Variants in TENT4A observed in about 807,000 individuals in gnomAD.
TENT4A encodes terminal nucleotidyltransferase 4A, also known as DNA polymerase kappa.
TENT4A carries 7 observed loss-of-function variants against 72.8 expected under a neutral mutation model. The observed-to-expected ratio is 0.10, with a 90% CI of 0.05 to 0.18. The LOEUF (loss-of-function observed/expected upper bound fraction) is 0.18, where lower values mean the gene tolerates loss of function less well. Among genes scored for constraint, TENT4A ranks in the 10% least tolerant of loss-of-function variants. TENT4A has a pLI of 1.00. For synonymous variants in TENT4A, 456 were observed against 434.3 expected, an observed-to-expected ratio of 1.05 and a Z score of -0.62; for missense variants, 831 against 1,017.7, an observed-to-expected ratio of 0.82 and a Z score of 2.50.
At chr5:6,739,619 T>G in intron 3 of TENT4A, 113 bp from the exon 4 acceptor site, 1 of 1,305,552 alleles carries the variant, frequency 7.7e-7, no homozygotes, top group Non-Finnish European at 1.1e-6. Flanking sequence ...TGGGATTGTG[T>G]CTTGGCCTTT....
At position 6,755,135 on chromosome 5, in the gene TENT4A, T is replaced by A. The variant is rs1216686895; in HGVS notation, c.*190T>A. The A allele has an allele frequency of 6.5e-6, 3 of 464,924 alleles. No individual in the cohort carries two copies. The highest frequency in any genetic ancestry group is 4.0e-5 in the Admixed American group (1 of 25,296). 28.8% of individuals were successfully genotyped at this position (464,924 alleles called of 1,614,324 possible). ...TCAAGAACAGCTCGTTGTGCTCATC[T>A]GTGAAGCCTTATTAAACGTGGACGT... On this transcript the variant is annotated 3_prime_UTR_variant, in exon 13 of 13. Coordinates refer to ENST00000230859, the MANE Select transcript of TENT4A (RefSeq NM_006999.6).
intron 1 of TENT4A, among the ~76,000 whole-genome samples, chr5:6,736,150 A>G (rs1178162697): frequency 6.6e-6 from 1 of 152,194 alleles, no homozygotes; most frequent in Non-Finnish European, 1.5e-5. Context: ...CGTGCACAGC[A>G]TTTATTTGCT....
chr5:6,746,315 C>A lies in TENT4A; in HGVS notation c.1347C>A (p.Thr449=). ...GGAGAAATTTTAATTACTTGAAAAC[C>A]GGTATTAGAATCAAAGAAGGAGGTG... ...LYGRNFNYLK[T]GIRIKEGGAY... is the part of the protein sequence containing the mutation. Residue 449 remains threonine (T), a synonymous_variant, in exon 7 of 13, where the codon ACC becomes ACA. Coordinates refer to ENST00000230859, the MANE Select transcript of TENT4A (RefSeq NM_006999.6). 6.2e-7 allele frequency: 1 copy of A among 1,614,072 alleles called. No homozygotes were observed. The highest frequency in any genetic ancestry group is 1.3e-5 in the African/African-American group (1 of 75,004).
chr5:6,746,392 C>T lies in TENT4A; in HGVS notation c.1424C>T (p.Pro475Leu). 1 of 1,614,136 alleles carries T rather than the reference C, an allele frequency of 6.2e-7. No individual in the cohort carries two copies. The highest frequency in any genetic ancestry group is 8.5e-7 in the Non-Finnish European group (1 of 1,180,026). ...IMKAMTSGYR[P>L]SMLCIEDPLL... is the part of the protein sequence containing the mutation. The stretch of plus-strand genomic sequence containing the variant: ...AAAGCCATGACCAGCGGGTACAGAC[C>T]GTCGATGCTGTGCATTGAGGACCCC... Residue 475 changes from proline (P) to leucine (L), a missense_variant, in exon 7 of 13, where the codon CCG (proline) becomes CTG (leucine). This residue lies in a region of TENT4A where 197 missense variants were observed against 399.6 expected (regional missense o/e 0.49). Coordinates refer to ENST00000230859, the MANE Select transcript of TENT4A (RefSeq NM_006999.6).
intron 2 of TENT4A, 46 bp from the exon 3 acceptor site, chr5:6,738,637 G>T: frequency 1.4e-6 from 2 of 1,411,718 alleles, no homozygotes; most frequent in Non-Finnish European, 1.0e-6. Context: ...TAGTGTGACT[G>T]CTTGGTTTGT....
intron 1 of TENT4A, among the ~76,000 whole-genome samples, chr5:6,715,342 C>T (rs1257065597): frequency 6.6e-6 from 1 of 152,176 alleles, no homozygotes; most frequent in Non-Finnish European, 1.5e-5. Context: ...ATTTCTACAT[C>T]CGCCTAGAGG....
chr5:6,735,392 G>T (rs981169049), intron 1 of TENT4A, among the ~76,000 whole-genome samples: 1 of 152,306 alleles, frequency 6.6e-6, no homozygotes, highest in Non-Finnish European at 1.5e-5. Flanking sequence ...CTAGCTCTCT[G>T]CAGTGACAGT....
intron 9 of TENT4A, among the ~76,000 whole-genome samples, chr5:6,750,015 G>A (rs943647418): frequency 2.6e-5 from 4 of 152,180 alleles, no homozygotes; most frequent in Non-Finnish European, 5.9e-5. Context: ...GAAATCCGGT[G>A]TGTATTTATT....
At position 6,755,756 on chromosome 5, in the gene TENT4A, C is replaced by T. The variant is rs562619441; in HGVS notation, c.*811C>T. ...GTGGCCCTGCTGTCGGGCCCCAGGC[C>T]GTTGTCCTGCTCTGACCACAGAGTT... On this transcript the variant is annotated 3_prime_UTR_variant, in exon 13 of 13. Coordinates refer to ENST00000230859, the MANE Select transcript of TENT4A (RefSeq NM_006999.6). The T allele has an allele frequency of 1.3e-5, 2 of 152,386 alleles. No homozygotes were observed. The highest frequency in any genetic ancestry group is 3.9e-4 in the East Asian group (2 of 5,188). 9.4% of individuals were successfully genotyped at this position (152,386 alleles called of 1,614,324 possible).
rs1322091367 is a variant in TENT4A, at chr5:6,755,373, T to C, written c.*428T>C. On this transcript the variant is annotated 3_prime_UTR_variant, in exon 13 of 13. Coordinates refer to ENST00000230859, the MANE Select transcript of TENT4A (RefSeq NM_006999.6). ...GGATAAGCTTGGGAGGTCATTGTTTTACTGCCCTCACATTTTGTTTGAAAT... is the reference window on the plus strand; with the variant it reads ...GGATAAGCTTGGGAGGTCATTGTTTCACTGCCCTCACATTTTGTTTGAAAT... The C allele has an allele frequency of 6.3e-6, 1 of 158,812 alleles. No individual in the cohort carries two copies. Among genetic ancestry groups the C allele is most frequent in the East Asian group, 1.8e-4 (1 of 5,442 alleles). 9.8% of individuals were successfully genotyped at this position (158,812 alleles called of 1,614,324 possible).
intron 1 of TENT4A, among the ~76,000 whole-genome samples, chr5:6,718,082 T>C (rs1740473347): frequency 6.6e-6 from 1 of 152,246 alleles, no homozygotes; most frequent in Non-Finnish European, 1.5e-5. Flanking sequence ...AGCAGGTGTA[T>C]GCAGCTTCCT....
rs1214821840 is a variant in TENT4A, at chr5:6,754,844, C to G, written c.2278C>G (p.Pro760Ala). 1.2e-6 allele frequency: 2 copies of G among 1,610,370 alleles called. No individual in the cohort carries two copies. Among genetic ancestry groups the G allele is most frequent in the South Asian group, 1.1e-5 (1 of 90,896 alleles). The change falls in exon 13 of 13, where the codon CCT becomes GCT. Residue 760 changes from proline (P) to alanine (A), a missense_variant. Transcript: ENST00000230859. The stretch of plus-strand genomic sequence containing the variant: ...TGTGGGTAGCGGAGGTGTGCGGCCC[C>G]CTGTGGGCAACAGGGGACACCACCA... ...SSVGSGGVRP[P>A]VGNRGHHQYN...
intron 9 of TENT4A, 101 bp downstream of exon 9, chr5:6,749,758 T>C: frequency 1.3e-6 from 1 of 766,404 alleles, no homozygotes; most frequent in Non-Finnish European, 2.3e-6. Context: ...ATTAAGAAAA[T>C]AGCTAGTTTT....
chr5:6,723,630 G>A (rs1010156239), intron 1 of TENT4A, among the ~76,000 whole-genome samples: 3 of 152,212 alleles, frequency 2.0e-5, no homozygotes, highest in African/African-American at 4.8e-5. Flanking sequence ...GCTAACATGC[G>A]GGGGATGGAA....
rs201123973 is a variant in TENT4A, at chr5:6,733,982, G to A, written c.717-3528G>A. ...AACAAATCAAATTATTCATTGCAGA[G>A]GTAAAATATTTTCAGAATGTTAATT... is the stretch of plus-strand genomic sequence containing the variant. On this transcript the variant is annotated intron_variant, in intron 1 of 12. Coordinates refer to ENST00000230859, the MANE Select transcript of TENT4A (RefSeq NM_006999.6). Among the ~76,000 whole-genome samples, 11 of 152,306 alleles carry A rather than the reference G, an allele frequency of 7.2e-5. No individual in the cohort carries two copies. The East Asian group carries it at 2.1e-3, about 29-fold the overall frequency.
Position 6,749,620 on chromosome 5 carries a change from G to T in TENT4A, c.1650G>T (p.Glu550Asp), listed in dbSNP as rs1742285460. The T allele has an allele frequency of 6.2e-7, 1 of 1,613,894 alleles. No individual in the cohort carries two copies. The highest frequency in any genetic ancestry group is 1.7e-5 in the Admixed American group (1 of 59,988). The stretch of plus-strand genomic sequence containing the variant: ...TTGACTACCGGAGGTGGATCAAAGA[G>T]AAGTGGGGCAGCAAAGCCCACCCGT... ...EVIDYRRWIKEKWGSKAHPSP... is the reference protein window; with the variant it reads ...EVIDYRRWIKDKWGSKAHPSP... The change falls in exon 9 of 13, where the codon GAG (glutamate) becomes GAT (aspartate). Residue 550 changes from glutamate to aspartate, a missense_variant. Glu to Asp is a conservative substitution (Grantham distance 45). This residue lies in a region of TENT4A where 197 missense variants were observed against 399.6 expected (regional missense o/e 0.49). Transcript: ENST00000230859.
At chr5:6,736,065 A>C (rs1003711884) in intron 1 of TENT4A, among the ~76,000 whole-genome samples, 1 of 152,102 alleles carries the variant, frequency 6.6e-6, no homozygotes, top group African/African-American at 2.4e-5. Flanking sequence ...CTGGCCACAT[A>C]TTTTTTTAAA....
intron 7 of TENT4A, among the ~76,000 whole-genome samples, chr5:6,748,237 C>G (rs947348091): frequency 7.2e-5 from 11 of 152,232 alleles, no homozygotes; most frequent in African/African-American, 2.7e-4. Flanking sequence ...CAGACCAGTC[C>G]TCTCGGCACT....
At chr5:6,717,816 A>G (rs988774486) in intron 1 of TENT4A, among the ~76,000 whole-genome samples, 1 of 152,170 alleles carries the variant, frequency 6.6e-6, no homozygotes, top group Non-Finnish European at 1.5e-5. Context: ...CTGACCCAGC[A>G]GGGCTTTGGG....
Sources: allele counts gnomAD v4.1 joint callset (sites outside exome capture counted in the v4.1 genomes callset), GRCh38; gene constraint gnomAD v4.1.1; regional missense constraint gnomAD v4.1.1; transcripts MANE v1.5; gene names NCBI Gene and HGNC (gene_info 2026-07-23, HGNC 2026-07-21).